Variants in HAUS6 observed in about 807,000 individuals in gnomAD.
The protein encoded by HAUS6 is HAUS augmin-like complex subunit 6.
HAUS6 carries 80 observed loss-of-function variants against 106.8 expected under a neutral mutation model. The observed-to-expected ratio is 0.75, with a 90% confidence interval of 0.63 to 0.90. HAUS6 has a LOEUF of 0.90. Among genes scored for constraint, HAUS6 ranks in the 40% least tolerant of loss-of-function variants. The probability of loss-of-function intolerance (pLI) is 0.00; values close to 1 mark genes in which losing one functional copy is unlikely to be tolerated. For missense variants in HAUS6, 1,155 were observed against 1,118.1 expected, an observed-to-expected ratio of 1.03 and a Z score of -0.47; for synonymous variants, 356 against 379.1, an observed-to-expected ratio of 0.94 and a Z score of 0.71.
chr9:19,063,663 T>A (rs927296069), intron 12 of HAUS6, 83 bp from the exon 13 acceptor site: 8 of 939,396 alleles, frequency 8.5e-6, no homozygotes, highest in Non-Finnish European at 1.4e-5. Context: ...AAAATCTGTC[T>A]GCCCCGTATC....
chr9:19,086,288 G>A lies in HAUS6; in HGVS notation c.699+446C>T, dbSNP rs148293627. Among the ~76,000 whole-genome samples, 154 of 148,660 alleles carry A rather than the reference G, an allele frequency of 1.0e-3. 2 individuals carry two copies. In the East Asian group the frequency reaches 0.029, roughly 28 times the overall value. ...ACCACGCCACTGCACTCCAGCCTGG[G>A]AGAGTGAGACTCCATCTCAAAAGGG... On this transcript the variant is annotated intron_variant, in intron 7 of 16. Transcript: ENST00000380502.
chr9:19,102,406 GCA>G, intron 1 of HAUS6, 116 bp downstream of exon 1: 1 of 1,125,610 alleles, frequency 8.9e-7, no homozygotes, highest in South Asian at 1.5e-5. Flanking sequence ...CCAATGCCTG[GCA>G]CAGAGTAACT....
chr9:19,090,511 C>A (rs1182333402), intron 4 of HAUS6, among the ~76,000 whole-genome samples: 1 of 152,108 alleles, frequency 6.6e-6, no homozygotes, highest in Non-Finnish European at 1.5e-5. Context: ...ACTACAGGTG[C>A]CCGCCACCAC....
At chr9:19,098,498 T>C (rs1449876959) in intron 1 of HAUS6, among the ~76,000 whole-genome samples, 1 of 151,632 alleles carries the variant, frequency 6.6e-6, no homozygotes, top group African/African-American at 2.4e-5. Context: ...CACCACTGTA[T>C]AGCCAGGTCC....
intron 3 of HAUS6, among the ~76,000 whole-genome samples, chr9:19,093,822 T>C (rs1007772496): frequency 2.6e-5 from 4 of 152,148 alleles, no homozygotes; most frequent in Admixed American, 6.6e-5. Flanking sequence ...TGAGCCAAGA[T>C]TGCGCCATTG....
chr9:19,063,681 T>G (rs775650448), intron 12 of HAUS6, 101 bp from the exon 13 acceptor site: 1 of 855,008 alleles, frequency 1.2e-6, no homozygotes, highest in East Asian at 2.4e-5. Flanking sequence ...ATCTGTCCGT[T>G]ACGATTTCAC....
intron 10 of HAUS6, 77 bp from the exon 11 acceptor site, chr9:19,076,781 G>T (rs1837016918): frequency 1.4e-6 from 1 of 690,694 alleles, no homozygotes; most frequent in Non-Finnish European, 2.6e-6. Context: ...GTTAATCTAT[G>T]AATAGATTAT....
At chr9:19,096,012 A>T (rs1817854269) in intron 2 of HAUS6, among the ~76,000 whole-genome samples, 1 of 152,208 alleles carries the variant, frequency 6.6e-6, no homozygotes, top group African/African-American at 2.4e-5. Flanking sequence ...CGAGCAAAAA[A>T]AATTGGGCAA....
intron 12 of HAUS6, among the ~76,000 whole-genome samples, chr9:19,065,303 A>ATCC (rs1836736969): frequency 6.6e-6 from 1 of 152,220 alleles, no homozygotes; most frequent in Non-Finnish European, 1.5e-5. Context: ...GGCCTATGAA[A>ATCC]TCCTAGCACT....
chr9:19,092,372 T>G (rs1263515599), intron 4 of HAUS6, among the ~76,000 whole-genome samples: 3 of 151,342 alleles, frequency 2.0e-5, no homozygotes, highest in African/African-American at 7.3e-5. Flanking sequence ...TCCTAACACT[T>G]TGGGAGGCCG....
At chr9:19,101,340 C>T (rs1817982935) in intron 1 of HAUS6, among the ~76,000 whole-genome samples, 1 of 146,180 alleles carries the variant, frequency 6.8e-6, no homozygotes, top group South Asian at 2.2e-4. Flanking sequence ...GGGCAACATG[C>T]CGACCCTAGG....
Position 19,063,134 on chromosome 9 carries a change from T to C in HAUS6, c.1503A>G (p.Glu501=), listed in dbSNP as rs1360231574. ...KNEAISKKIP[E]FEVENSPLSD... ...ATAATGGAGAATTTTCCACTTCAAA[T>C]TCTGGTATTTTCTTAGAAATTGCTT... The change falls in exon 14 of 17, where the codon GAA becomes GAG. Residue 501 remains glutamate, a synonymous_variant. Coordinates refer to ENST00000380502, the MANE Select transcript of HAUS6 (RefSeq NM_017645.5). 6.2e-7 allele frequency: 1 copy of C among 1,604,396 alleles called. No individual in the cohort carries two copies.
rs753461706 is a variant in HAUS6, at chr9:19,070,306, G to C, written c.1295-6C>G. 1.1e-5 allele frequency: 16 copies of C among 1,516,024 alleles called. No individual in the cohort carries two copies. Among genetic ancestry groups the C allele is most frequent in the Admixed American group, 1.7e-5 (1 of 59,066 alleles). 93.9% of individuals were successfully genotyped at this position (1,516,024 alleles called of 1,614,324 possible). A position where few individuals can be genotyped will look rare whatever the true frequency, so the allele number is the denominator to read the frequency against. On this transcript the variant is annotated splice_region_variant and splice_polypyrimidine_tract_variant and intron_variant, in intron 11 of 16. Transcript: ENST00000380502. ...GTTATGTTGCTTATGTGCATCTAAA[G>C]AAATTTAAAAATTGGTTACTCTTTA...
chr9:19,073,522 G>C (rs1836922975), intron 11 of HAUS6, among the ~76,000 whole-genome samples: 1 of 151,328 alleles, frequency 6.6e-6, no homozygotes, highest in Admixed American at 6.6e-5. Context: ...CCTCCAAATG[G>C]ACATGAGAAT....
At chr9:19,078,104 G>T in intron 10 of HAUS6, 72 bp downstream of exon 10, 1 of 1,204,416 alleles carries the variant, frequency 8.3e-7, no homozygotes, top group Non-Finnish European at 1.2e-6. Context: ...GGGCAACAGA[G>T]CAAGACACTG....
At chr9:19,094,850 C>G (rs984073077) in intron 2 of HAUS6, among the ~76,000 whole-genome samples, 1 of 151,938 alleles carries the variant, frequency 6.6e-6, no homozygotes, top group Admixed American at 6.6e-5. Context: ...TAGAGAGACA[C>G]CAACCTGTGA....
Position 19,080,521 on chromosome 9 carries a change from G to T in HAUS6, c.1022C>A (p.Thr341Asn), listed in dbSNP as rs1160421278. ...TVDLHYLEKE[T>N]KFQKERLSDL... ...TGATAATCTTTCCTTCTGAAATTTG[G>T]TCTCTTTTTCAAGGTAGTGAAGGTC... Residue 341 changes from threonine to asparagine, a missense_variant, in exon 9 of 17, where the codon ACC becomes AAC. Thr to Asn is a moderately conservative substitution (Grantham distance 65). This residue lies in a region of HAUS6 where 761 missense variants were observed against 690.0 expected (regional missense o/e 1.10). Transcript: ENST00000380502. The T allele has an allele frequency of 4.4e-6, 7 of 1,608,948 alleles. No homozygotes were observed. Among genetic ancestry groups the T allele is most frequent in the Non-Finnish European group, 5.9e-6 (7 of 1,177,192 alleles).
intron 7 of HAUS6, among the ~76,000 whole-genome samples, chr9:19,083,371 T>C (rs1430282411): frequency 6.6e-6 from 1 of 152,204 alleles, no homozygotes; most frequent in Non-Finnish European, 1.5e-5. Flanking sequence ...GCCTCCCAAG[T>C]AGCTGGGACT....
intron 8 of HAUS6, among the ~76,000 whole-genome samples, chr9:19,081,430 T>C (rs1837147505): frequency 6.6e-6 from 1 of 152,004 alleles, no homozygotes; most frequent in African/African-American, 2.4e-5. Flanking sequence ...GTTGCCAATT[T>C]TTTAATTTTA....
Sources: gnomAD v4.1 joint callset for allele counts (sites outside exome capture counted in the v4.1 genomes callset) on GRCh38, gnomAD v4.1.1 for gene constraint, gnomAD v4.1.1 regional missense constraint, MANE v1.5 for transcripts, NCBI Gene and HGNC (gene_info 2026-07-23, HGNC 2026-07-21) for gene names.